Variants in IL1RAPL1 observed in about 807,000 individuals in gnomAD.
The protein encoded by IL1RAPL1 is interleukin-1 receptor accessory protein-like 1.
A neutral mutation model predicts 48.4 loss-of-function variants in IL1RAPL1; 3 were observed. The observed-to-expected ratio is 0.06, with a 90% CI of 0.03 to 0.16. The LOEUF (loss-of-function observed/expected upper bound fraction) is 0.16, where lower values mean the gene tolerates loss of function less well. Ranked by LOEUF, IL1RAPL1 falls within the 10% of genes least tolerant of loss-of-function variation. IL1RAPL1 has a pLI of 1.00. For missense variants in IL1RAPL1, 349 were observed against 530.6 expected (o/e 0.66, Z 3.36); for synonymous variants, 185 against 187.7 (o/e 0.99, Z 0.12).
intron 2 of IL1RAPL1, among the ~76,000 whole-genome samples, chrX:29,181,281 T>C (rs1288266201): frequency 9.0e-6 from 1 of 111,695 alleles, no homozygotes; most frequent in African/African-American, 3.3e-5. Flanking sequence ...TAATTACTTA[T>C]TAGTATTCTC....
rs961662391 is a variant in IL1RAPL1 at position 29,272,450 on chromosome X, A to AT, written c.83-10478dup. Among the ~76,000 whole-genome samples, 488 of 108,849 alleles carry AT rather than the reference A, an allele frequency of 4.5e-3. 1 individual carries two copies. Among genetic ancestry groups the AT allele is most frequent in the African/African-American group, 0.014 (423 of 30,038 alleles). 94.5% of individuals were successfully genotyped at this position (108,849 alleles called of 115,157 possible). A position where few individuals can be genotyped will look rare whatever the true frequency, so the allele number is the denominator to read the frequency against. On this transcript the variant is annotated intron_variant, in intron 2 of 10. Coordinates refer to ENST00000378993, the MANE Select transcript of IL1RAPL1 (RefSeq NM_014271.4). ...GCTGGATATGAGATTCTTTGTTAGA[A>AT]TTTTTTTTTTAACAATTCTGAATAT... is the stretch of plus-strand genomic sequence containing the variant.
intron 1 of IL1RAPL1, among the ~76,000 whole-genome samples, chrX:28,633,170 T>C (rs1477061708): frequency 1.8e-5 from 2 of 111,423 alleles, no homozygotes; most frequent in African/African-American, 6.5e-5. Context: ...ATTACAGGCA[T>C]GAACCACCAC....
At chrX:29,363,218 CAT>C (rs1352526510) in intron 3 of IL1RAPL1, among the ~76,000 whole-genome samples, 1 of 111,956 alleles carries the variant, frequency 8.9e-6, no homozygotes, top group Admixed American at 9.5e-5. Context: ...AAAAAGGTAA[CAT>C]AAAATTTACC....
intron 2 of IL1RAPL1, among the ~76,000 whole-genome samples, chrX:28,960,847 A>G (rs1183981073): frequency 1.8e-5 from 2 of 108,563 alleles, no homozygotes; most frequent in African/African-American, 6.7e-5. Context: ...TCTCTACTAA[A>G]AAAATACAAA....
At chrX:29,094,622 C>T (rs1486889361) in intron 2 of IL1RAPL1, among the ~76,000 whole-genome samples, 1 of 99,499 alleles carries the variant, frequency 1.0e-5, no homozygotes, top group Non-Finnish European at 2.0e-5. Flanking sequence ...AAAAATCAGC[C>T]GGGCAGGGCA....
At chrX:29,839,695 C>T (rs1415770428) in intron 6 of IL1RAPL1, among the ~76,000 whole-genome samples, 1 of 112,232 alleles carries the variant, frequency 8.9e-6, no homozygotes, top group Non-Finnish European at 1.9e-5. Flanking sequence ...GGGAGAGGAT[C>T]ACTTGAGGCC....
rs894805840 is a variant in IL1RAPL1, at chrX:29,368,590, CTTTTTTT to C, written c.363-27655_363-27649del. On this transcript the variant is annotated intron_variant, in intron 3 of 10. Coordinates refer to ENST00000378993, the MANE Select transcript of IL1RAPL1 (RefSeq NM_014271.4). ...TGTTTGTTTGTTTTTCTTTTTCTTT[CTTTTTTT>C]TTTTTTTTTTTTGTAGAGACAGGGT... Among the ~76,000 whole-genome samples, 14 of 87,636 alleles carry C rather than the reference CTTTTTTT, an allele frequency of 1.6e-4. No homozygotes were observed. In the South Asian group the frequency reaches 3.0e-3, roughly 19 times the overall value. 76.1% of individuals were successfully genotyped at this position (87,636 alleles called of 115,157 possible). A position where few individuals can be genotyped will look rare whatever the true frequency, so the allele number is the denominator to read the frequency against.
intron 3 of IL1RAPL1, among the ~76,000 whole-genome samples, chrX:29,380,701 C>T (rs1933685762): frequency 8.9e-6 from 1 of 112,333 alleles, no homozygotes; most frequent in Non-Finnish European, 1.9e-5. Context: ...GCTTTGTATA[C>T]CACCTGCACA....
At chrX:29,427,847 T>C (rs1934368285) in intron 5 of IL1RAPL1, among the ~76,000 whole-genome samples, 1 of 111,559 alleles carries the variant, frequency 9.0e-6, no homozygotes, top group Admixed American at 9.6e-5. Context: ...GAATTCATGC[T>C]CCTCCCATAA....
At chrX:28,944,502 G>T (rs1924245231) in intron 2 of IL1RAPL1, among the ~76,000 whole-genome samples, 1 of 110,773 alleles carries the variant, frequency 9.0e-6, no homozygotes, top group Admixed American at 9.7e-5. Context: ...ATTACAAATA[G>T]TTAGAAATCT....
intron 6 of IL1RAPL1, among the ~76,000 whole-genome samples, chrX:29,802,881 GTA>G (rs1372597377): frequency 3.9e-5 from 3 of 77,580 alleles, no homozygotes; most frequent in African/African-American, 5.3e-5. Context: ...ATACATATAT[GTA>G]TATATGTATA....
intron 6 of IL1RAPL1, among the ~76,000 whole-genome samples, chrX:29,706,155 G>T (rs1367272540): frequency 9.0e-6 from 1 of 111,326 alleles, no homozygotes; most frequent in Non-Finnish European, 1.9e-5. Flanking sequence ...GGAAAGACCC[G>T]CCCACATGAT....
chrX:28,958,579 G>A (rs1349610134), intron 2 of IL1RAPL1, among the ~76,000 whole-genome samples: 1 of 111,635 alleles, frequency 9.0e-6, no homozygotes, highest in African/African-American at 3.3e-5. Context: ...AGGCCAGCAT[G>A]ATTCCTTCAA....
At chrX:29,449,738 TACAC>T (rs539577442) in intron 5 of IL1RAPL1, among the ~76,000 whole-genome samples, 1,265 of 63,849 alleles carry the variant, frequency 0.02, 9 homozygotes, top group Non-Finnish European at 0.028. Context: ...TACATATGCA[TACAC>T]ACACACACAC....
intron 2 of IL1RAPL1, among the ~76,000 whole-genome samples, chrX:28,956,590 C>G (rs1263969275): frequency 2.0e-5 from 2 of 100,903 alleles, no homozygotes; most frequent in African/African-American, 7.2e-5. Context: ...ATTGAACCAG[C>G]CTTGCATCCC....
intron 2 of IL1RAPL1, among the ~76,000 whole-genome samples, chrX:28,966,808 T>G (rs764281063): frequency 1.1e-4 from 12 of 111,899 alleles, no homozygotes; most frequent in South Asian, 3.7e-4. Context: ...TCCTCTAGAT[T>G]AGTGACATTT....
intron 2 of IL1RAPL1, among the ~76,000 whole-genome samples, chrX:28,935,149 T>C (rs753990617): frequency 1.2e-4 from 13 of 111,781 alleles, no homozygotes; most frequent in Admixed American, 4.8e-4. Flanking sequence ...TACTTTATTT[T>C]TTTTTAGTTT....
At chrX:29,112,152 A>G (rs933018701) in intron 2 of IL1RAPL1, among the ~76,000 whole-genome samples, 1 of 108,973 alleles carries the variant, frequency 9.2e-6, no homozygotes, top group African/African-American at 3.3e-5. Context: ...CTGGTCTAGA[A>G]CTCCTCAAAG....
At chrX:29,281,239 C>G (rs1932197389) in intron 2 of IL1RAPL1, among the ~76,000 whole-genome samples, 1 of 111,415 alleles carries the variant, frequency 9.0e-6, no homozygotes, top group Admixed American at 9.6e-5. Context: ...CCTGTTTTCT[C>G]AGTCTTTGCC....
Sources: allele counts gnomAD v4.1 joint callset (sites outside exome capture counted in the v4.1 genomes callset), GRCh38; gene constraint gnomAD v4.1.1; transcripts MANE v1.5; gene names NCBI Gene and HGNC (gene_info 2026-07-23, HGNC 2026-07-21).